Variants in EIF2B3 observed in about 807,000 individuals in gnomAD.
The protein encoded by EIF2B3 is translation initiation factor eIF2B subunit gamma.
A neutral mutation model predicts 54.1 loss-of-function variants in EIF2B3; 20 were observed. That is an observed-to-expected ratio of 0.37 (90% CI 0.26 to 0.54). The LOEUF is 0.54. Ranked by LOEUF, EIF2B3 falls within the 20% of genes least tolerant of loss-of-function variation. The pLI is 0.86. For synonymous variants in EIF2B3, 153 were observed against 188.1 expected (o/e 0.81, Z 1.52); for missense variants, 448 against 547.8 (o/e 0.82, Z 1.82).
At chr1:44,961,509 C>T (rs973215849) in intron 3 of EIF2B3, among the ~76,000 whole-genome samples, 1 of 151,972 alleles carries the variant, frequency 6.6e-6, no homozygotes, top group Non-Finnish European at 1.5e-5. Flanking sequence ...AAGACCTCAT[C>T]TCCACAAAAA....
chr1:44,943,398 A>G (rs1271119912), intron 3 of EIF2B3, among the ~76,000 whole-genome samples: 1 of 149,556 alleles, frequency 6.7e-6, no homozygotes, highest in Admixed American at 6.7e-5. Context: ...ATCTATATCT[A>G]TATCTATATC....
intron 6 of EIF2B3, among the ~76,000 whole-genome samples, chr1:44,896,681 G>A (rs2148914187): frequency 6.6e-6 from 1 of 152,244 alleles, no homozygotes; most frequent in South Asian, 2.1e-4. Flanking sequence ...TTTTCCACCT[G>A]TTCCTTTGAG....
At chr1:44,946,833 T>C (rs1270165672) in intron 3 of EIF2B3, among the ~76,000 whole-genome samples, 1 of 152,124 alleles carries the variant, frequency 6.6e-6, no homozygotes, top group Non-Finnish European at 1.5e-5. Flanking sequence ...GTAAAGCCCA[T>C]TCTAGGAATG....
At chr1:44,912,568 C>G (rs1386800638) in intron 5 of EIF2B3, among the ~76,000 whole-genome samples, 1 of 152,154 alleles carries the variant, frequency 6.6e-6, no homozygotes, top group African/African-American at 2.4e-5. Flanking sequence ...CCTTCCCCAC[C>G]TTTGCTCGTG....
At chr1:44,860,747 C>A (rs1170217655) in intron 10 of EIF2B3, among the ~76,000 whole-genome samples, 1 of 151,880 alleles carries the variant, frequency 6.6e-6, no homozygotes, top group African/African-American at 2.4e-5. Flanking sequence ...ATATTCAGTA[C>A]CCGAGTCAGA....
At chr1:44,942,388 TATATATATATATATATATATATA>T (rs1644034652) in intron 3 of EIF2B3, among the ~76,000 whole-genome samples, 3 of 11,948 alleles carry the variant, frequency 2.5e-4, no homozygotes, top group East Asian at 3.0e-3. Flanking sequence ...TATATATATA[TATATATATATATATATATATATA>T]TATATATTTT....
intron 4 of EIF2B3, among the ~76,000 whole-genome samples, chr1:44,933,396 A>T (rs1643914048): frequency 6.6e-6 from 1 of 152,222 alleles, no homozygotes; most frequent in South Asian, 2.1e-4. Flanking sequence ...AATAGAACCA[A>T]ATCTTTACAT....
chr1:44,875,646 G>A lies in EIF2B3; in HGVS notation c.1025C>T (p.Ser342Leu), dbSNP rs199638815. 329 of 1,614,180 alleles carry A rather than the reference G, an allele frequency of 2.0e-4. 2 individuals are homozygous for A. In the South Asian group the frequency reaches 2.7e-3, roughly 13 times the overall value. The change falls in exon 9 of 12, where the codon TCG becomes TTG. Residue 342 changes from serine (S) to leucine (L), a missense_variant. Physicochemically the swap from Ser to Leu is moderately radical, Grantham distance 145. Around this residue, in one of 3 missense-constraint regions of EIF2B3, gnomAD observed 350 missense variants for 414.2 expected, o/e 0.85. Coordinates refer to ENST00000360403, the MANE Select transcript of EIF2B3 (RefSeq NM_020365.5). Reference protein sequence around the residue: ...ALCPEEPPVHSSAQIVSKHLV... With the variant: ...ALCPEEPPVHLSAQIVSKHLV... ...GTGTTTGCTGACAATCTGGGCTGACGAATGGACTGGTGGTTCTTCTGGACA... is the reference window on the plus strand; with the variant it reads ...GTGTTTGCTGACAATCTGGGCTGACAAATGGACTGGTGGTTCTTCTGGACA...
chr1:44,959,017 A>C (rs1644256761), intron 3 of EIF2B3: 1 of 737,850 alleles, frequency 1.4e-6, no homozygotes, highest in African/African-American at 1.8e-5. Flanking sequence ...GAAGAATACA[A>C]GAAAAAGTTC....
In EIF2B3 at chr1:44,958,116, C is replaced by T. The variant is rs264003; in HGVS notation, c.295-16451G>A. Among the ~76,000 whole-genome samples, 1,030 of 152,098 alleles carry T rather than the reference C, an allele frequency of 6.8e-3. 13 individuals are homozygous for T. Among genetic ancestry groups the T allele is most frequent in the African/African-American group, 0.024 (977 of 41,498 alleles). On this transcript the variant is annotated intron_variant, in intron 3 of 11. Coordinates refer to ENST00000360403, the MANE Select transcript of EIF2B3 (RefSeq NM_020365.5). ...TTTTTTCCTTTCCATTTTGGTGGGCCGGTTGAAGATGAAATCCACTGAGAA... is the reference window on the plus strand; with the variant it reads ...TTTTTTCCTTTCCATTTTGGTGGGCTGGTTGAAGATGAAATCCACTGAGAA...
intron 4 of EIF2B3, among the ~76,000 whole-genome samples, chr1:44,927,835 T>C (rs1643867825): frequency 6.6e-6 from 1 of 152,056 alleles, no homozygotes; most frequent in African/African-American, 2.4e-5. Context: ...TATTATATTA[T>C]GTATGCATTA....
chr1:44,888,518 A>G (rs1230062800), intron 6 of EIF2B3, among the ~76,000 whole-genome samples: 1 of 151,298 alleles, frequency 6.6e-6, no homozygotes, highest in African/African-American at 2.4e-5. Context: ...AATTGGCTGA[A>G]TGAATGGTAA....
intron 3 of EIF2B3, among the ~76,000 whole-genome samples, chr1:44,955,375 T>TA (rs1644211471): frequency 6.6e-6 from 1 of 152,090 alleles, no homozygotes; most frequent in African/African-American, 2.4e-5. Context: ...CGAGATGGAT[T>TA]AAAGACTTAA....
intron 5 of EIF2B3, among the ~76,000 whole-genome samples, chr1:44,910,941 C>T (rs552767616): frequency 1.5e-4 from 22 of 151,660 alleles, no homozygotes; most frequent in Non-Finnish European, 2.8e-4. Context: ...TTTGGCGCAC[C>T]CATCTCCTGA....
chr1:44,902,159 G>C (rs1157323354), intron 5 of EIF2B3, among the ~76,000 whole-genome samples: 2 of 152,166 alleles, frequency 1.3e-5, no homozygotes, highest in South Asian at 4.1e-4. Context: ...CCACAGATCT[G>C]TCTGTCTGTC....
intron 1 of EIF2B3, among the ~76,000 whole-genome samples, chr1:44,985,277 T>G (rs1325457549): frequency 1.3e-5 from 2 of 152,200 alleles, no homozygotes; most frequent in Non-Finnish European, 2.9e-5. Context: ...AATCACCTAT[T>G]AAACTTTGAA....
At chr1:44,869,040 G>A (rs1316333370) in intron 10 of EIF2B3, among the ~76,000 whole-genome samples, 1 of 152,136 alleles carries the variant, frequency 6.6e-6, no homozygotes, top group African/African-American at 2.4e-5. Flanking sequence ...CTTTCAAAAG[G>A]TTTTTAATAG....
At chr1:44,885,897 G>A (rs1025562982) in intron 6 of EIF2B3, among the ~76,000 whole-genome samples, 1 of 129,644 alleles carries the variant, frequency 7.7e-6, no homozygotes, top group African/African-American at 3.2e-5. Context: ...ACCACGCTTG[G>A]CTAATTTTTT....
chr1:44,877,189 C>CAAAAAA (rs1655196149), intron 8 of EIF2B3, among the ~76,000 whole-genome samples: 1 of 29,462 alleles, frequency 3.4e-5, no homozygotes, highest in East Asian at 1.1e-3. Flanking sequence ...CAAGAATGAT[C>CAAAAAA]AATAAAAAAA....
Sources: allele counts gnomAD v4.1 joint callset (sites outside exome capture counted in the v4.1 genomes callset), GRCh38; gene constraint gnomAD v4.1.1; regional missense constraint gnomAD v4.1.1; transcripts MANE v1.5; gene names NCBI Gene and HGNC (gene_info 2026-07-23, HGNC 2026-07-21).